Variants in TMEM232 observed in about 807,000 individuals in gnomAD.
TMEM232 encodes the protein transmembrane protein 232.
In TMEM232, 80 loss-of-function variants were observed where a neutral mutation model predicts 78.8. The ratio of observed to expected loss-of-function variants is 1.01; its 90% confidence interval spans 0.85 to 1.22. The LOEUF (loss-of-function observed/expected upper bound fraction) is 1.22. Among genes scored for constraint, TMEM232 ranks in the 50% most tolerant of loss-of-function variants. TMEM232 has a pLI of 0.00. For synonymous variants in TMEM232, 297 were observed against 254.3 expected, an observed-to-expected ratio of 1.17 and a Z score of -1.60; for missense variants, 881 against 742.2, an observed-to-expected ratio of 1.19 and a Z score of -2.17.
At position 110,679,334 on chromosome 5, in the gene TMEM232, G is replaced by C. The variant is rs571220897; in HGVS notation, c.-12-11970C>G. On this transcript the variant is annotated intron_variant, in intron 1 of 13. Transcript: ENST00000455884. The stretch of plus-strand genomic sequence containing the variant: ...GCCATCTATATTTCATCTTTGTTGA[G>C]GTGCTGTTAAGGTTTTTGGTCCATT... Among the ~76,000 whole-genome samples, 6 of 152,210 alleles carry C rather than the reference G, an allele frequency of 3.9e-5. No individual in the cohort carries two copies. In the East Asian group the frequency reaches 1.2e-3, roughly 29 times the overall value.
intron 10 of TMEM232, among the ~76,000 whole-genome samples, chr5:110,570,350 T>C (rs768092722): frequency 5.9e-5 from 9 of 151,990 alleles, no homozygotes; most frequent in Non-Finnish European, 1.3e-4. Context: ...GGGGTTTTCT[T>C]AAACCATTTT....
chr5:110,627,702 C>T (rs974347191), intron 6 of TMEM232, 79 bp downstream of exon 6: 18 of 1,002,286 alleles, frequency 1.8e-5, no homozygotes, highest in African/African-American at 1.7e-4. Flanking sequence ...ATGCAGCTTA[C>T]GTTCTTTATA....
chr5:110,565,625 G>C (rs751361248), intron 11 of TMEM232, among the ~76,000 whole-genome samples: 1 of 151,880 alleles, frequency 6.6e-6, no homozygotes, highest in African/African-American at 2.4e-5. Flanking sequence ...GAATTTAAAC[G>C]GAATTATTTT....
intron 1 of TMEM232, among the ~76,000 whole-genome samples, chr5:110,718,851 T>C (rs1485051305): frequency 1.3e-5 from 2 of 152,074 alleles, no homozygotes; most frequent in Non-Finnish European, 2.9e-5. Flanking sequence ...AGTACACTGA[T>C]TATTTAGCCT....
chr5:110,532,828 T>G (rs543964354), intron 11 of TMEM232, among the ~76,000 whole-genome samples: 1 of 152,104 alleles, frequency 6.6e-6, no homozygotes, highest in African/African-American at 2.4e-5. Flanking sequence ...TCAATGCCAA[T>G]ATCCCATCCC....
At chr5:110,396,060 T>A (rs1561453574) in intron 3 of TMEM232, among the ~76,000 whole-genome samples, 1 of 152,304 alleles carries the variant, frequency 6.6e-6, no homozygotes, top group East Asian at 1.9e-4. Context: ...AAAAAAGGTT[T>A]AACTGACTCC....
intron 1 of TMEM232, among the ~76,000 whole-genome samples, chr5:110,711,962 C>T (rs1474219222): frequency 1.3e-5 from 2 of 151,700 alleles, no homozygotes; most frequent in East Asian, 1.9e-4. Flanking sequence ...AAAAATTAGC[C>T]AGGCGTGGTG....
intron 12 of TMEM232, among the ~76,000 whole-genome samples, chr5:110,469,439 C>T (rs1401238354): frequency 2.0e-5 from 3 of 152,216 alleles, no homozygotes; most frequent in African/African-American, 4.8e-5. Flanking sequence ...CTGTGCCCTG[C>T]CTCCTCAGAG....
intron 10 of TMEM232, among the ~76,000 whole-genome samples, chr5:110,569,993 T>C (rs1186630583): frequency 6.6e-6 from 1 of 151,776 alleles, no homozygotes; most frequent in Non-Finnish European, 1.5e-5. Context: ...ATTCCATTCA[T>C]AGGAAAGAAA....
chr5:110,679,016 C>T (rs993049034), intron 1 of TMEM232, among the ~76,000 whole-genome samples: 1 of 152,132 alleles, frequency 6.6e-6, no homozygotes, highest in African/African-American at 2.4e-5. Flanking sequence ...AAGTTTTCAA[C>T]TCCTCTTGGT....
At chr5:110,391,291 ATGTGTGTG>A (rs369913835) in intron 3 of TMEM232, among the ~76,000 whole-genome samples, 14 of 130,662 alleles carry the variant, frequency 1.1e-4, no homozygotes, top group South Asian at 5.3e-4. Flanking sequence ...TCCCGTTTGA[ATGTGTGTG>A]TGTGTGTGTG....
intron 7 of TMEM232, among the ~76,000 whole-genome samples, chr5:110,621,302 G>C (rs569298040): frequency 2.6e-5 from 4 of 152,130 alleles, no homozygotes; most frequent in Non-Finnish European, 4.4e-5. Flanking sequence ...AAGACCAAGA[G>C]TGAGCAATGT....
intron 2 of TMEM232, among the ~76,000 whole-genome samples, chr5:110,409,949 T>C (rs1404268544): frequency 6.6e-6 from 1 of 152,218 alleles, no homozygotes; most frequent in Non-Finnish European, 1.5e-5. Flanking sequence ...CTTCCCCAAC[T>C]GTACCATGCT....
At chr5:110,469,372 C>G (rs1435033717) in intron 12 of TMEM232, among the ~76,000 whole-genome samples, 1 of 152,186 alleles carries the variant, frequency 6.6e-6, no homozygotes, top group Non-Finnish European at 1.5e-5. Flanking sequence ...CTGTTATACC[C>G]TACCAAATGC....
intron 12 of TMEM232, among the ~76,000 whole-genome samples, chr5:110,445,056 C>G (rs1759495435): frequency 1.3e-5 from 2 of 152,018 alleles, no homozygotes; most frequent in Middle Eastern, 6.8e-3. Flanking sequence ...TTTTCTATAG[C>G]CCTCATTTTC....
At chr5:110,444,842 A>C (rs1759474510) in intron 12 of TMEM232, among the ~76,000 whole-genome samples, 1 of 152,002 alleles carries the variant, frequency 6.6e-6, no homozygotes, top group Non-Finnish European at 1.5e-5. Flanking sequence ...TTTTTTCTGA[A>C]ATTCCCTTAA....
intron 8 of TMEM232, among the ~76,000 whole-genome samples, chr5:110,608,566 A>T (rs1478684442): frequency 6.6e-6 from 1 of 152,068 alleles, no homozygotes; most frequent in African/African-American, 2.4e-5. Flanking sequence ...GGAAAATTGT[A>T]GCTAACCTAG....
chr5:110,724,206 T>A (rs1051380948), intron 1 of TMEM232, among the ~76,000 whole-genome samples: 1 of 152,190 alleles, frequency 6.6e-6, no homozygotes, highest in Non-Finnish European at 1.5e-5. Context: ...TCTTTCGATA[T>A]TCACATCAGT....
intron 12 of TMEM232, among the ~76,000 whole-genome samples, chr5:110,493,763 T>C (rs1435266608): frequency 6.6e-6 from 1 of 151,022 alleles, no homozygotes; most frequent in Non-Finnish European, 1.5e-5. Context: ...TGAGGAAGGA[T>C]TGCTTAATTG....
Sources: gnomAD v4.1 joint callset for allele counts (sites outside exome capture counted in the v4.1 genomes callset) on GRCh38, gnomAD v4.1.1 for gene constraint, MANE v1.5 for transcripts, NCBI Gene and HGNC (gene_info 2026-07-23, HGNC 2026-07-21) for gene names.